Variants in FGR observed in about 807,000 individuals in gnomAD.
The protein encoded by FGR is FGR proto-oncogene, Src family tyrosine kinase.
Under a neutral mutation model 63.2 loss-of-function variants are expected in FGR, and 26 were observed. The observed-to-expected ratio is 0.41, with a 90% confidence interval of 0.30 to 0.57. The LOEUF (loss-of-function observed/expected upper bound fraction) is 0.57. FGR is among the 20% of genes least tolerant of loss of function. The pLI is 0.27. For missense variants in FGR, 511 were observed against 690.8 expected, an observed-to-expected ratio of 0.74 and a Z score of 2.92; for synonymous variants, 286 against 277.7, an observed-to-expected ratio of 1.03 and a Z score of -0.30.
At chr1:27,633,083 T>A (rs2090129631) in intron 1 of FGR, among the ~76,000 whole-genome samples, 2 of 151,986 alleles carry the variant, frequency 1.3e-5, no homozygotes, top group Non-Finnish European at 2.9e-5. Flanking sequence ...ACTCACACCC[T>A]CACTGGAGGA....
chr1:27,613,390 TC>T (rs895124937), intron 11 of FGR, 40 bp from the exon 12 acceptor site: 1 of 1,605,640 alleles, frequency 6.2e-7, no homozygotes, highest in African/African-American at 1.3e-5. Context: ...AGTGAGGGGG[TC>T]CCTGGAAACA....
intron 1 of FGR, among the ~76,000 whole-genome samples, chr1:27,629,230 G>A (rs1571406252): frequency 6.6e-6 from 1 of 152,014 alleles, no homozygotes; most frequent in Non-Finnish European, 1.5e-5. Flanking sequence ...GAAAAGAAAA[G>A]AAAAAGCCCT....
intron 5 of FGR, among the ~76,000 whole-genome samples, chr1:27,618,480 C>G (rs2089858226): frequency 6.6e-6 from 1 of 152,128 alleles, no homozygotes; most frequent in Non-Finnish European, 1.5e-5. Context: ...GCCTGTGCTC[C>G]TAACCACACT....
rs1361797365 is a variant in FGR at position 27,625,078 on chromosome 1, A to G, written c.-14+11T>C. The stretch of plus-strand genomic sequence containing the variant: ...TCCTGACCCTGAAAGCCCTCAGTCT[A>G]CCCCACTCACCCCTTAGGCCCCTAC... On this transcript the variant is annotated intron_variant, in intron 2 of 12. Coordinates refer to ENST00000374005, the MANE Select transcript of FGR (RefSeq NM_005248.3). The G allele has an allele frequency of 6.6e-6, 1 of 152,088 alleles. No homozygotes were observed. Among genetic ancestry groups the G allele is most frequent in the Non-Finnish European group, 1.5e-5 (1 of 67,970 alleles). 9.4% of individuals were successfully genotyped at this position (152,088 alleles called of 1,614,324 possible). A position where few individuals can be genotyped will look rare whatever the true frequency, so the allele number is the denominator to read the frequency against.
At chr1:27,630,421 A>C (rs1193240136) in intron 1 of FGR, among the ~76,000 whole-genome samples, 1 of 152,166 alleles carries the variant, frequency 6.6e-6, no homozygotes, top group Non-Finnish European at 1.5e-5. Context: ...GGCTCAAGAC[A>C]ATTTTTCTTC....
chr1:27,621,744 G>A (rs2089931223), intron 4 of FGR, 87 bp from the exon 5 acceptor site: 4 of 927,376 alleles, frequency 4.3e-6, no homozygotes. Flanking sequence ...GGTCTGCAGA[G>A]ATGAATCCTG....
chr1:27,634,091 C>G (rs1403848639), intron 1 of FGR, among the ~76,000 whole-genome samples: 2 of 138,240 alleles, frequency 1.4e-5, no homozygotes, highest in Non-Finnish European at 3.2e-5. Flanking sequence ...GGAAGCCCAC[C>G]CCCCACCCAC....
At chr1:27,623,205 AC>A in intron 3 of FGR, 61 bp from the exon 4 acceptor site, 1 of 1,279,426 alleles carries the variant, frequency 7.8e-7, no homozygotes, top group South Asian at 1.2e-5. Flanking sequence ...AGGGGGCTGC[AC>A]CCCAAATTCC....
chr1:27,634,973 C>T (rs930394805), intron 1 of FGR, 92 bp downstream of exon 1: 2 of 152,528 alleles, frequency 1.3e-5, no homozygotes, highest in Non-Finnish European at 2.9e-5. Flanking sequence ...GTTCAGGCTT[C>T]TCTTCCCGTG....
chr1:27,623,719 A>G lies in FGR; in HGVS notation c.198T>C (p.Leu66=). 1 of 1,614,192 alleles carries G rather than the reference A, an allele frequency of 6.2e-7. No homozygotes were observed. Among genetic ancestry groups the G allele is most frequent in the Non-Finnish European group, 8.5e-7 (1 of 1,180,030 alleles). ...FSSQAINPGF[L]DSGTIRGVSG... ...ACACACCCCTGATGGTGCCACTATC[A>G]AGGAAGCCAGGGTTGATGGCCTGAG... is the stretch of plus-strand genomic sequence containing the variant. Residue 66 remains leucine (L), a synonymous_variant, in exon 3 of 13, where the codon CTT becomes CTC. Transcript: ENST00000374005.
At chr1:27,618,837 G>A (rs1033956523) in intron 5 of FGR, among the ~76,000 whole-genome samples, 1 of 151,990 alleles carries the variant, frequency 6.6e-6, no homozygotes, top group Admixed American at 6.5e-5. Flanking sequence ...GTATCTTCTC[G>A]CCTTCCCTTC....
At chr1:27,623,953 T>C in intron 2 of FGR, 24 bp from the exon 3 acceptor site, 18 of 1,539,994 alleles carry the variant, frequency 1.2e-5, no homozygotes, top group Non-Finnish European at 1.6e-5. Flanking sequence ...CATGCCTCAC[T>C]CAAGGACCCC....
Position 27,617,378 on chromosome 1 carries a change from A to G in FGR, c.429-82T>C, listed in dbSNP as rs543582498. The G allele has an allele frequency of 1.2e-4, 120 of 971,986 alleles. No individual in the cohort carries two copies. The African/African-American group carries it at 1.6e-3, about 13-fold the overall frequency. 60.2% of individuals were successfully genotyped at this position (971,986 alleles called of 1,614,324 possible). ...TCCTGCACAGTCACCTCACAAGCCAAGACTCCATTTTCCCCATGTGTAAAA... is the reference window on the plus strand; with the variant it reads ...TCCTGCACAGTCACCTCACAAGCCAGGACTCCATTTTCCCCATGTGTAAAA... On this transcript the variant is annotated intron_variant, in intron 5 of 12. Transcript: ENST00000374005. The surrounding 1 kb of genome is among the most constrained non-coding windows in gnomAD (Gnocchi z 4.5).
chr1:27,622,451 C>T (rs2148528156), intron 4 of FGR, among the ~76,000 whole-genome samples: 1 of 152,042 alleles, frequency 6.6e-6, no homozygotes, highest in East Asian at 1.9e-4. Flanking sequence ...CACTCTCTTC[C>T]TCTTTTCTTA....
chr1:27,622,871 C>T (rs2089956092), intron 4 of FGR, among the ~76,000 whole-genome samples, 171 bp downstream of exon 4: 2 of 152,228 alleles, frequency 1.3e-5, no homozygotes. Context: ...AGTGGCCCAA[C>T]ACCACCCCCC....
At chr1:27,635,021 G>T (rs1031600290) in intron 1 of FGR, 44 bp downstream of exon 1, 6 of 152,218 alleles carry the variant, frequency 3.9e-5, no homozygotes, top group East Asian at 1.9e-4. Context: ...GAGGGGGAGG[G>T]CACTGCTTGA....
At chr1:27,634,659 C>A (rs1054176867) in intron 1 of FGR, among the ~76,000 whole-genome samples, 5 of 151,972 alleles carry the variant, frequency 3.3e-5, no homozygotes, top group African/African-American at 1.2e-4. Context: ...CCATCAGACC[C>A]GTCGGCTTCT....
intron 1 of FGR, among the ~76,000 whole-genome samples, chr1:27,634,300 C>A (rs1218172113): frequency 6.6e-6 from 1 of 152,126 alleles, no homozygotes; most frequent in Non-Finnish European, 1.5e-5. Flanking sequence ...CCGAGACCGC[C>A]GCGGGCGCGG....
At chr1:27,634,833 C>A (rs947372334) in intron 1 of FGR, among the ~76,000 whole-genome samples, 1 of 152,144 alleles carries the variant, frequency 6.6e-6, no homozygotes, top group African/African-American at 2.4e-5. Context: ...CGGCTTCCCC[C>A]GTGCTCCCCT....
Sources: gnomAD v4.1 joint callset for allele counts (sites outside exome capture counted in the v4.1 genomes callset) on GRCh38, gnomAD v4.1.1 for gene constraint, Gnocchi (gnomAD v3.1) non-coding constraint, MANE v1.5 for transcripts, NCBI Gene and HGNC (gene_info 2026-07-23, HGNC 2026-07-21) for gene names.